SORBS2: variants seen among roughly 807,000 people sequenced by gnomAD.
The protein encoded by SORBS2 is sorbin and SH3 domain containing 2.
Under a neutral mutation model 97.7 loss-of-function variants are expected in SORBS2, and 46 were observed. The ratio of observed to expected loss-of-function variants is 0.47; its 90% CI spans 0.37 to 0.60. SORBS2 has a LOEUF of 0.60. Ranked by LOEUF, SORBS2 falls within the 20% of genes least tolerant of loss-of-function variation. The pLI, the probability that SORBS2 is intolerant of heterozygous loss-of-function variation, is 0.00. For synonymous variants in SORBS2, 476 were observed against 473.4 expected (o/e 1.01, Z -0.07); for missense variants, 1,316 against 1,282.3 (o/e 1.03, Z -0.40).
chr4:185,694,996 C>T (rs996551837), intron 2 of SORBS2, among the ~76,000 whole-genome samples: 1 of 151,894 alleles, frequency 6.6e-6, no homozygotes, highest in Admixed American at 6.6e-5. Flanking sequence ...TGAGCCACCA[C>T]GCCTGGCCAA....
intron 2 of SORBS2, among the ~76,000 whole-genome samples, chr4:185,704,657 A>G (rs1170239335): frequency 2.6e-5 from 4 of 151,528 alleles, no homozygotes; most frequent in African/African-American, 9.8e-5. Context: ...AAAAAGTTTG[A>G]GAGCCCATTC....
intron 4 of SORBS2, among the ~76,000 whole-genome samples, chr4:185,670,752 C>G (rs957132405): frequency 2.0e-5 from 3 of 152,094 alleles, no homozygotes; most frequent in Non-Finnish European, 4.4e-5. Flanking sequence ...TGTGCCCCCT[C>G]TTTTCATGGC....
At chr4:185,591,010 G>A (rs952391574) in intron 13 of SORBS2, among the ~76,000 whole-genome samples, 9 of 152,002 alleles carry the variant, frequency 5.9e-5, no homozygotes, top group South Asian at 2.1e-4. Flanking sequence ...CTTGACTACC[G>A]CTCCGGAACA....
intron 1 of SORBS2, among the ~76,000 whole-genome samples, chr4:185,932,278 A>G (rs1001275183): frequency 1.7e-4 from 26 of 151,808 alleles, no homozygotes; most frequent in Admixed American, 2.6e-4. Flanking sequence ...ATCCCCTGAT[A>G]TACTGAAGAA....
At chr4:185,723,182 A>G (rs1166166230) in intron 2 of SORBS2, among the ~76,000 whole-genome samples, 8 of 152,230 alleles carry the variant, frequency 5.3e-5, no homozygotes, top group Non-Finnish European at 7.3e-5. Context: ...CACTAAAAGC[A>G]TATCGTATTT....
At chr4:185,677,189 T>G in intron 4 of SORBS2, 2 of 1,551,706 alleles carry the variant, frequency 1.3e-6, no homozygotes, top group South Asian at 1.2e-5. Context: ...TAGGGGTCAG[T>G]GAGCGGGGCC....
At position 185,656,614 on chromosome 4, in the gene SORBS2, C is replaced by T; in HGVS notation, c.24+1G>A. 2 of 1,549,240 alleles carry T rather than the reference C, an allele frequency of 1.3e-6. No individual in the cohort carries two copies. Among genetic ancestry groups the T allele is most frequent in the Non-Finnish European group, 1.7e-6 (2 of 1,145,258 alleles). Reference sequence around the variant, plus strand: ...CCTCCCCGCATGGCCCCCAACTTCACCTGCAAAGGTGTTGTTGCTTTCATC... The same window carrying T: ...CCTCCCCGCATGGCCCCCAACTTCATCTGCAAAGGTGTTGTTGCTTTCATC... On this transcript the variant is annotated splice_donor_variant, in intron 1 of 14. Transcript: ENST00000418609. LOFTEE classifies it high-confidence loss of function.
chr4:185,899,826 G>C (rs551369651), intron 1 of SORBS2, among the ~76,000 whole-genome samples: 2 of 152,278 alleles, frequency 1.3e-5, no homozygotes, highest in African/African-American at 4.8e-5. Flanking sequence ...TCAGCAAATG[G>C]TTACCATACT....
At position 185,684,644 on chromosome 4, in the gene SORBS2, T is replaced by G. The variant is rs761743257; in HGVS notation, c.-197-5822A>C. On this transcript the variant is annotated intron_variant, in intron 2 of 20. Transcript: ENST00000284776. This position sits in a 1 kb window ranked among gnomAD's most constrained non-coding sequence, Gnocchi z 4.2. The stretch of plus-strand genomic sequence containing the variant: ...GCTGTTTTTAATTACACATTTAAAA[T>G]GTTTCCTACAAGATCTCATTTTCCT... 1.4e-5 allele frequency: 11 copies of G among 783,054 alleles called. No individual in the cohort carries two copies. The highest frequency in any genetic ancestry group is 2.2e-5 in the Non-Finnish European group (11 of 489,006). 48.5% of individuals were successfully genotyped at this position (783,054 alleles called of 1,614,324 possible).
rs2099038144 is a variant in SORBS2 at position 185,782,920 on chromosome 4, C to T, written c.-337-7554G>A. Among the ~76,000 whole-genome samples the T allele has an allele frequency of 2.0e-5, 3 of 152,238 alleles. No individual in the cohort carries two copies. In the South Asian group the frequency reaches 6.2e-4, roughly 32 times the overall value. ...TTGGGCACAGGAAGGCTTGCTATGG[C>T]CCAACAATGTTTTAAAATGTATTCT... On this transcript the variant is annotated intron_variant, in intron 1 of 20. Transcript: ENST00000284776.
intron 1 of SORBS2, among the ~76,000 whole-genome samples, chr4:185,655,390 G>T (rs1170207322): frequency 6.6e-6 from 1 of 152,212 alleles, no homozygotes; most frequent in Non-Finnish European, 1.5e-5. Flanking sequence ...ACCTTGGAGA[G>T]TCTTGGCCTG....
intron 1 of SORBS2, among the ~76,000 whole-genome samples, chr4:185,787,086 C>G (rs1215909464): frequency 6.6e-6 from 1 of 151,066 alleles, no homozygotes; most frequent in Non-Finnish European, 1.5e-5. Flanking sequence ...CAAGTGGTTG[C>G]AGAGGAGGGG....
intron 1 of SORBS2, among the ~76,000 whole-genome samples, chr4:185,929,992 C>T (rs529615231): frequency 5.9e-5 from 9 of 152,176 alleles, no homozygotes; most frequent in Non-Finnish European, 8.8e-5. Flanking sequence ...AATGACTGCA[C>T]GATGTGGTTG....
intron 4 of SORBS2, among the ~76,000 whole-genome samples, chr4:185,673,685 G>C (rs532961871): frequency 6.6e-6 from 1 of 152,206 alleles, no homozygotes; most frequent in East Asian, 1.9e-4. Flanking sequence ...TGCTGCTCGG[G>C]GAGGGTGAAT....
chr4:185,757,526 A>G (rs2098838432), intron 2 of SORBS2, among the ~76,000 whole-genome samples: 1 of 152,224 alleles, frequency 6.6e-6, no homozygotes, highest in Non-Finnish European at 1.5e-5. Context: ...ATGCCTGTAT[A>G]ACATAATTTC....
chr4:185,930,697 G>A (rs1422428683), intron 1 of SORBS2, among the ~76,000 whole-genome samples: 2 of 152,138 alleles, frequency 1.3e-5, no homozygotes, highest in South Asian at 2.1e-4. Flanking sequence ...TTCTGAAGGT[G>A]TAACTCATGA....
chr4:185,657,467 A>T (rs768820801), upstream of SORBS2: 5 of 1,564,594 alleles, frequency 3.2e-6, no homozygotes, highest in Non-Finnish European at 1.7e-6. Flanking sequence ...CACGGGCCCG[A>T]TCCCTGGGTA....
At chr4:185,749,787 T>C (rs1316751279) in intron 2 of SORBS2, among the ~76,000 whole-genome samples, 4 of 152,198 alleles carry the variant, frequency 2.6e-5, no homozygotes, top group Non-Finnish European at 4.4e-5. Flanking sequence ...AATGCAGAAA[T>C]AGAGACCACA....
At chr4:185,793,079 A>T (rs1473522850) in intron 1 of SORBS2, among the ~76,000 whole-genome samples, 3 of 152,256 alleles carry the variant, frequency 2.0e-5, no homozygotes, top group East Asian at 3.8e-4. Flanking sequence ...ATTATTATTT[A>T]TAAGAATACT....
Sources: allele counts gnomAD v4.1 joint callset (sites outside exome capture counted in the v4.1 genomes callset), GRCh38; gene constraint gnomAD v4.1.1; non-coding constraint Gnocchi (gnomAD v3.1); transcripts MANE v1.5; gene names NCBI Gene and HGNC (gene_info 2026-07-23, HGNC 2026-07-21).